EPHB3: variants seen among roughly 807,000 people sequenced by gnomAD.
EPHB3 encodes ephrin type-B receptor 3.
In EPHB3, 33 loss-of-function variants were observed where a neutral mutation model predicts 100.2. The ratio of observed to expected loss-of-function variants is 0.33; its 90% CI spans 0.25 to 0.44. The LOEUF is 0.44. Among genes scored for constraint, EPHB3 ranks in the 20% least tolerant of loss-of-function variants. The pLI is 1.00. For missense variants in EPHB3, 1,045 were observed against 1,378.3 expected (o/e 0.76, Z 3.83); for synonymous variants, 526 against 554.7 (o/e 0.95, Z 0.73).
intron 3 of EPHB3, chr3:184,575,204 G>C (rs1560059809): frequency 1.0e-6 from 1 of 985,278 alleles, no homozygotes; most frequent in Non-Finnish European, 1.2e-6. Context: ...TCTGGGGTGA[G>C]TCCCCTTGTG....
rs1714351048 is a variant in EPHB3, at chr3:184,565,123, T to C, written c.118+2770T>C. Among the ~76,000 whole-genome samples, 1 of 152,214 alleles carries C rather than the reference T, an allele frequency of 6.6e-6. No homozygotes were observed. Among genetic ancestry groups the C allele is most frequent in the Middle Eastern group, 3.4e-3 (1 of 294 alleles). On this transcript the variant is annotated intron_variant, in intron 1 of 15. Coordinates refer to ENST00000330394, the MANE Select transcript of EPHB3 (RefSeq NM_004443.4). This position sits in a 1 kb window ranked among gnomAD's most constrained non-coding sequence, Gnocchi z 4.8. Reference sequence around the variant, plus strand: ...CAAGACTCTGCATCCAAGGCTGTCATCAGTTTTCCATGTGGATGGAGCCTG... The same window carrying C: ...CAAGACTCTGCATCCAAGGCTGTCACCAGTTTTCCATGTGGATGGAGCCTG...
Position 184,581,824 on chromosome 3 carries a change from G to A in EPHB3, c.*202G>A. ...CCCAAACCTCTTCATATTGAAGATG[G>A]ATTAGGAGAGGGGGTGATGACCCCT... On this transcript the variant is annotated 3_prime_UTR_variant, in exon 16 of 16. Transcript: ENST00000330394. 1 of 566,358 alleles carries A rather than the reference G, an allele frequency of 1.8e-6. No individual in the cohort carries two copies. 35.1% of individuals were successfully genotyped at this position (566,358 alleles called of 1,614,324 possible).
At position 184,569,250 on chromosome 3, in the gene EPHB3, C is replaced by T. The variant is rs958975617; in HGVS notation, c.119-2068C>T. Among the ~76,000 whole-genome samples the T allele has an allele frequency of 3.9e-5, 6 of 151,958 alleles. No homozygotes were observed. Among genetic ancestry groups the T allele is most frequent in the African/African-American group, 1.2e-4 (5 of 41,396 alleles). On this transcript the variant is annotated intron_variant, in intron 1 of 15. Transcript: ENST00000330394. The surrounding 1 kb of genome is among the most constrained non-coding windows in gnomAD (Gnocchi z 5.4). The stretch of plus-strand genomic sequence containing the variant: ...CGGGGGCAGGGCGCGCTTGCTCTGC[C>T]GGCTCCCGGGACTGACACTCGCGCT...
At chr3:184,574,734 G>A (rs564235925) in intron 3 of EPHB3, among the ~76,000 whole-genome samples, 2 of 152,324 alleles carry the variant, frequency 1.3e-5, no homozygotes, top group South Asian at 4.1e-4. Context: ...AGTGGAGAAA[G>A]GGGGTGGGGT....
chr3:184,580,475 T>A lies in EPHB3; in HGVS notation c.2246T>A (p.Leu749Gln). The change falls in exon 12 of 16, where the codon CTG becomes CAG. Residue 749 changes from leucine (L) to glutamine (Q), a missense_variant. By Grantham distance (113) the Leu-to-Gln change is moderately radical (BLOSUM62 -2). This residue lies in a region of EPHB3 where 985 missense variants were observed against 1,331.1 expected (regional missense o/e 0.74). Transcript: ENST00000330394. ...LRGIAAGMKY[L>Q]SEMNYVHRDL... ...GGCATTGCTGCCGGCATGAAGTACC[T>A]GTCCGAGATGAACTATGTGCACCGC... The A allele has an allele frequency of 6.2e-7, 1 of 1,614,216 alleles. No individual in the cohort carries two copies. Among genetic ancestry groups the A allele is most frequent in the Non-Finnish European group, 8.5e-7 (1 of 1,180,034 alleles).
chr3:184,562,384 CA>C lies in EPHB3; in HGVS notation c.118+33del. The C allele has an allele frequency of 8.3e-7, 1 of 1,206,784 alleles. No individual in the cohort carries two copies. Among genetic ancestry groups the C allele is most frequent in the Non-Finnish European group, 1.0e-6 (1 of 972,856 alleles). 74.8% of individuals were successfully genotyped at this position (1,206,784 alleles called of 1,614,324 possible). A position where few individuals can be genotyped will look rare whatever the true frequency, so the allele number is the denominator to read the frequency against. On this transcript the variant is annotated intron_variant, in intron 1 of 15. Coordinates refer to ENST00000330394, the MANE Select transcript of EPHB3 (RefSeq NM_004443.4). The surrounding 1 kb of genome is among the most constrained non-coding windows in gnomAD (Gnocchi z 4.8). ...CGGCGTCGGGGGGCGCGCCCGGGAA[CA>C]AGGTGCCTGGGGTCGCGGGGCTGCG...
At position 184,572,608 on chromosome 3, in the gene EPHB3, C is replaced by T; in HGVS notation, c.288C>T (p.Phe96=). 1 of 1,551,592 alleles carries T rather than the reference C, an allele frequency of 6.4e-7. No homozygotes were observed. Among genetic ancestry groups the T allele is most frequent in the East Asian group, 2.3e-5 (1 of 44,084 alleles). The change falls in exon 3 of 16, where the codon TTC becomes TTT. Residue 96 remains phenylalanine, a synonymous_variant. Coordinates refer to ENST00000330394, the MANE Select transcript of EPHB3 (RefSeq NM_004443.4). The surrounding 1 kb of genome is among the most constrained non-coding windows in gnomAD (Gnocchi z 6.6). ...AGAACAACTGGCTTCGCACGGGGTTCATCTGGCGGCGGGATGTGCAGCGGG... is the reference window on the plus strand; with the variant it reads ...AGAACAACTGGCTTCGCACGGGGTTTATCTGGCGGCGGGATGTGCAGCGGG... The part of the protein sequence containing the change: ...SSQNNWLRTG[F]IWRRDVQRVY...
rs1321264287 is a variant in EPHB3, at chr3:184,569,023, G to T, written c.119-2295G>T. On this transcript the variant is annotated intron_variant, in intron 1 of 15. Transcript: ENST00000330394. The surrounding 1 kb of genome is among the most constrained non-coding windows in gnomAD (Gnocchi z 5.4). The stretch of plus-strand genomic sequence containing the variant: ...TCCCTCCTCCCGGAGCCAGCGCAGG[G>T]CTTGTTTTAAACTGTGGAGGAATCT... Among the ~76,000 whole-genome samples, 1 of 152,064 alleles carries T rather than the reference G, an allele frequency of 6.6e-6. No homozygotes were observed. The highest frequency in any genetic ancestry group is 2.4e-5 in the African/African-American group (1 of 41,456).
chr3:184,581,077 A>C lies in EPHB3; in HGVS notation c.2644A>C (p.Arg882=). 3 of 1,614,194 alleles carry C rather than the reference A, an allele frequency of 1.9e-6. No homozygotes were observed. The highest frequency in any genetic ancestry group is 2.5e-6 in the Non-Finnish European group (3 of 1,180,026). ...LDCWVRDRNL[R]PKFSQIVNTL... ...CTGCTGGGTGCGGGACCGGAACCTC[A>C]GGCCCAAATTCTCCCAGATTGTCAA... Residue 882 remains arginine, a synonymous_variant, in exon 14 of 16, where the codon AGG becomes CGG. Transcript: ENST00000330394.
At position 184,580,837 on chromosome 3, in the gene EPHB3, A is replaced by G; in HGVS notation, c.2497A>G (p.Ser833Gly). 6.2e-7 allele frequency: 1 copy of G among 1,614,166 alleles called. No individual in the cohort carries two copies. Among genetic ancestry groups the G allele is most frequent in the Non-Finnish European group, 8.5e-7 (1 of 1,180,014 alleles). Residue 833 changes from serine to glycine, a missense_variant, in exon 13 of 16, where the codon AGC becomes GGC. Physicochemically the swap from Ser to Gly is moderately conservative, Grantham distance 56 (BLOSUM62 0). Transcript: ENST00000330394. Reference protein sequence around the residue: ...SYGIVMWEVMSYGERPYWDMS... With the variant: ...SYGIVMWEVMGYGERPYWDMS... ...CGGAATTGTCATGTGGGAGGTCATG[A>G]GCTATGGAGAGCGACCCTACTGGGA...
At position 184,565,658 on chromosome 3, in the gene EPHB3, G is replaced by A. The variant is rs1422547244; in HGVS notation, c.118+3305G>A. Among the ~76,000 whole-genome samples, 2 of 152,196 alleles carry A rather than the reference G, an allele frequency of 1.3e-5. No individual in the cohort carries two copies. Among genetic ancestry groups the A allele is most frequent in the East Asian group, 3.9e-4 (2 of 5,186 alleles). On this transcript the variant is annotated intron_variant, in intron 1 of 15. Transcript: ENST00000330394. The surrounding 1 kb of genome is among the most constrained non-coding windows in gnomAD (Gnocchi z 4.8). ...CCTGAGAACACGGGAACTGAGAGGGGACAGCGGGCCAGGATTTGGAGGGCT... is the reference window on the plus strand; with the variant it reads ...CCTGAGAACACGGGAACTGAGAGGGAACAGCGGGCCAGGATTTGGAGGGCT...
chr3:184,581,684 C>T lies in EPHB3; in HGVS notation c.*62C>T, dbSNP rs548773411. On this transcript the variant is annotated 3_prime_UTR_variant, in exon 16 of 16. Coordinates refer to ENST00000330394, the MANE Select transcript of EPHB3 (RefSeq NM_004443.4). ...GATGCCAAGCAGCCGGCTGGACTTT[C>T]GGACTCTTGGACTTTTGGATGCCTG... 69 of 1,450,880 alleles carry T rather than the reference C, an allele frequency of 4.8e-5. No homozygotes were observed. In the East Asian group the frequency reaches 1.3e-3, roughly 27 times the overall value. The allele number at this position is 1,450,880 out of a possible 1,614,324, so 89.9% of individuals were successfully genotyped here. A position where few individuals can be genotyped will look rare whatever the true frequency, so the allele number is the denominator to read the frequency against.
rs1325906675 is a variant in EPHB3, at chr3:184,571,836, A to G, written c.183+454A>G. Among the ~76,000 whole-genome samples the G allele has an allele frequency of 6.6e-6, 1 of 151,992 alleles. No individual in the cohort carries two copies. The highest frequency in any genetic ancestry group is 6.6e-5 in the Admixed American group (1 of 15,262). On this transcript the variant is annotated intron_variant, in intron 2 of 15. Transcript: ENST00000330394. The surrounding 1 kb of genome is among the most constrained non-coding windows in gnomAD (Gnocchi z 5.0). ...GTCCGGACCTCTCTCACATATTCTA[A>G]TTAATCTCCCTAGATGGCCTTCATG...
At position 184,562,410 on chromosome 3, in the gene EPHB3, G is replaced by A. The variant is rs1449298726; in HGVS notation, c.118+57G>A. The A allele has an allele frequency of 1.7e-6, 2 of 1,177,690 alleles. No homozygotes were observed. Among genetic ancestry groups the A allele is most frequent in the South Asian group, 4.0e-5 (1 of 24,812 alleles). The allele number at this position is 1,177,690 out of a possible 1,614,324, so 73.0% of individuals were successfully genotyped here. On this transcript the variant is annotated intron_variant, in intron 1 of 15. Coordinates refer to ENST00000330394, the MANE Select transcript of EPHB3 (RefSeq NM_004443.4). This position sits in a 1 kb window ranked among gnomAD's most constrained non-coding sequence, Gnocchi z 4.8. The stretch of plus-strand genomic sequence containing the variant: ...AAGGTGCCTGGGGTCGCGGGGCTGC[G>A]GGCTAGCAGCGTGGGTCCGACCCGG...
intron 3 of EPHB3, among the ~76,000 whole-genome samples, chr3:184,574,364 A>C (rs762928138): frequency 6.6e-5 from 10 of 152,190 alleles, no homozygotes; most frequent in Non-Finnish European, 1.3e-4. Flanking sequence ...TGTGAGGTAG[A>C]TTCCTGCCAT....
At position 184,571,235 on chromosome 3, in the gene EPHB3, T is replaced by C; in HGVS notation, c.119-83T>C. On this transcript the variant is annotated intron_variant, in intron 1 of 15. Coordinates refer to ENST00000330394, the MANE Select transcript of EPHB3 (RefSeq NM_004443.4). This position sits in a 1 kb window ranked among gnomAD's most constrained non-coding sequence, Gnocchi z 5.0. ...TCCCAAAGTGCTGGGATTACAGGTG[T>C]GAGCCACTTCGCTCATCTGTGATCT... 1 of 1,430,858 alleles carries C rather than the reference T, an allele frequency of 7.0e-7. No homozygotes were observed. 88.6% of individuals were successfully genotyped at this position (1,430,858 alleles called of 1,614,324 possible).
rs1714471144 is a variant in EPHB3, at chr3:184,569,076, T to G, written c.119-2242T>G. Among the ~76,000 whole-genome samples the G allele has an allele frequency of 6.6e-6, 1 of 151,912 alleles. No homozygotes were observed. Among genetic ancestry groups the G allele is most frequent in the African/African-American group, 2.4e-5 (1 of 41,328 alleles). ...CTGGAGGGGGAGGGGGCTGAATATT[T>G]GGGTTTAAACAGTTCCAGATGGGTT... On this transcript the variant is annotated intron_variant, in intron 1 of 15. Coordinates refer to ENST00000330394, the MANE Select transcript of EPHB3 (RefSeq NM_004443.4). This position sits in a 1 kb window ranked among gnomAD's most constrained non-coding sequence, Gnocchi z 5.4.
rs760651123 is a variant in EPHB3 at position 184,563,679 on chromosome 3, G to A, written c.118+1326G>A. Among the ~76,000 whole-genome samples, 2 of 152,110 alleles carry A rather than the reference G, an allele frequency of 1.3e-5. No homozygotes were observed. The highest frequency in any genetic ancestry group is 6.5e-5 in the Admixed American group (1 of 15,282). ...ACACACCGAGGTCTCGCCCACACTC[G>A]CACACACTCACCCACATGTGTGTGA... On this transcript the variant is annotated intron_variant, in intron 1 of 15. Transcript: ENST00000330394. This position sits in a 1 kb window ranked among gnomAD's most constrained non-coding sequence, Gnocchi z 4.1.
chr3:184,580,049 CT>C, intron 11 of EPHB3, 115 bp downstream of exon 11: 3 of 1,479,616 alleles, frequency 2.0e-6, no homozygotes, highest in Non-Finnish European at 2.7e-6. Context: ...ACTGAGGTGG[CT>C]TGGTGCAGGG....
Sources: gnomAD v4.1 joint callset for allele counts (sites outside exome capture counted in the v4.1 genomes callset) on GRCh38, gnomAD v4.1.1 for gene constraint, gnomAD v4.1.1 regional missense constraint, Gnocchi (gnomAD v3.1) non-coding constraint, MANE v1.5 for transcripts, NCBI Gene and HGNC (gene_info 2026-07-23, HGNC 2026-07-21) for gene names.